Variants in GNG7 observed in about 807,000 individuals in gnomAD.
GNG7 encodes the protein G protein subunit gamma 7, also known as guanine nucleotide-binding protein G(I)/G(S)/G(O) subunit gamma-7.
A neutral mutation model predicts 4.0 loss-of-function variants in GNG7; 1 was observed. The observed-to-expected ratio is 0.25, with a 90% confidence interval of 0.09 to 1.18. The LOEUF is 1.18. Ranked by LOEUF, GNG7 falls within the 50% of genes most tolerant of loss-of-function variation. The pLI is 0.50. For synonymous variants in GNG7, 34 were observed against 36.9 expected (o/e 0.92, Z 0.29); for missense variants, 86 against 91.9 (o/e 0.94, Z 0.26).
At chr19:2,550,213 G>A (rs937717052) in intron 3 of GNG7, among the ~76,000 whole-genome samples, 13 of 151,948 alleles carry the variant, frequency 8.6e-5, no homozygotes, top group African/African-American at 3.1e-4. Context: ...CCCCCGTGGC[G>A]ACCCTCCTTG....
At chr19:2,579,553 G>A (rs1468105671) in intron 2 of GNG7, among the ~76,000 whole-genome samples, 1 of 152,242 alleles carries the variant, frequency 6.6e-6, no homozygotes, top group Non-Finnish European at 1.5e-5. Context: ...AGGTCTCCAA[G>A]TGTTTATGGT....
intron 1 of GNG7, among the ~76,000 whole-genome samples, chr19:2,680,797 C>T (rs1983712746): frequency 6.6e-6 from 1 of 151,892 alleles, no homozygotes; most frequent in South Asian, 2.1e-4. Context: ...TGGTCTTGAA[C>T]TCCCGACTTC....
intron 1 of GNG7, among the ~76,000 whole-genome samples, chr19:2,691,744 G>A (rs980197067): frequency 1.3e-5 from 2 of 148,206 alleles, no homozygotes; most frequent in African/African-American, 5.0e-5. Flanking sequence ...GCACACGCCT[G>A]TAATCCCAGC....
intron 1 of GNG7, among the ~76,000 whole-genome samples, chr19:2,658,599 T>G (rs948176694): frequency 2.0e-5 from 3 of 151,556 alleles, no homozygotes; most frequent in Non-Finnish European, 4.4e-5. Context: ...GGAAGGAAAT[T>G]TTGACATGGG....
intron 2 of GNG7, among the ~76,000 whole-genome samples, chr19:2,636,886 C>T (rs1383878289): frequency 3.3e-5 from 5 of 151,928 alleles, no homozygotes; most frequent in Admixed American, 6.6e-5. Flanking sequence ...ACCTCCATCC[C>T]CACCTGCACC....
chr19:2,562,128 C>T (rs936289579), intron 2 of GNG7, among the ~76,000 whole-genome samples: 1 of 152,134 alleles, frequency 6.6e-6, no homozygotes, highest in African/African-American at 2.4e-5. Flanking sequence ...TCACGCCCTC[C>T]ACCCACTCAG....
intron 2 of GNG7, among the ~76,000 whole-genome samples, chr19:2,645,890 G>C (rs917118988): frequency 6.6e-6 from 1 of 152,170 alleles, no homozygotes; most frequent in Non-Finnish European, 1.5e-5. Flanking sequence ...ACGGGTGAAG[G>C]CTCCTTAAAA....
At chr19:2,679,456 A>C (rs1983676058) in intron 1 of GNG7, among the ~76,000 whole-genome samples, 1 of 152,162 alleles carries the variant, frequency 6.6e-6, no homozygotes, top group African/African-American at 2.4e-5. Flanking sequence ...CTCGTAGTCC[A>C]TCCCAATCTT....
intron 3 of GNG7, among the ~76,000 whole-genome samples, chr19:2,549,457 A>AT (rs1195094841): frequency 1.3e-5 from 2 of 151,812 alleles, no homozygotes; most frequent in East Asian, 3.9e-4. Flanking sequence ...CACCCGGCTA[A>AT]TTTTTGTATT....
chr19:2,546,970 G>A lies in GNG7; in HGVS notation c.-38+8179C>T, dbSNP rs151117666. On this transcript the variant is annotated intron_variant, in intron 3 of 4. Coordinates refer to ENST00000382159, the MANE Select transcript of GNG7 (RefSeq NM_052847.3). The surrounding 1 kb of genome is among the most constrained non-coding windows in gnomAD (Gnocchi z 6.3). ...CAGGGCAAGGGGCAGCGCCGGCCTC[G>A]TGACGGTGGTGCTCGGGAGCTGAAG... 1.6e-4 allele frequency among the ~76,000 whole-genome samples: 24 copies of A among 152,206 alleles called. No individual in the cohort carries two copies. In the East Asian group the frequency reaches 4.5e-3, roughly 28 times the overall value.
In GNG7 at chr19:2,617,144, A is replaced by G. The variant is rs1981744391; in HGVS notation, c.-78+29080T>C. 6.6e-6 allele frequency among the ~76,000 whole-genome samples: 1 copy of G among 152,164 alleles called. No individual in the cohort carries two copies. Among genetic ancestry groups the G allele is most frequent in the Non-Finnish European group, 1.5e-5 (1 of 68,020 alleles). ...CTGGATCATTCTCTGGGATGGGGCC[A>G]TCCTGGTGCACTGCAGGGTGCTGAG... On this transcript the variant is annotated intron_variant, in intron 2 of 4. Coordinates refer to ENST00000382159, the MANE Select transcript of GNG7 (RefSeq NM_052847.3). The surrounding 1 kb of genome is among the most constrained non-coding windows in gnomAD (Gnocchi z 4.7).
intron 1 of GNG7, among the ~76,000 whole-genome samples, chr19:2,665,383 C>A (rs1983283485): frequency 6.6e-6 from 1 of 151,086 alleles, no homozygotes; most frequent in Admixed American, 6.6e-5. Flanking sequence ...GGCAGGATCA[C>A]CCTGCCGTGC....
chr19:2,554,289 T>C (rs548250529), intron 3 of GNG7, among the ~76,000 whole-genome samples: 195 of 149,424 alleles, frequency 1.3e-3, no homozygotes, highest in African/African-American at 4.6e-3. Flanking sequence ...TGGGCTCAAG[T>C]GATCCTTCTG....
chr19:2,564,096 A>G (rs184452676), intron 2 of GNG7, among the ~76,000 whole-genome samples: 26 of 152,254 alleles, frequency 1.7e-4, no homozygotes, highest in Admixed American at 1.7e-3. Context: ...TCAACTCAAG[A>G]AAAAGAATGT....
intron 2 of GNG7, among the ~76,000 whole-genome samples, chr19:2,581,339 G>A (rs1599403796): frequency 7.7e-6 from 1 of 129,380 alleles, no homozygotes; most frequent in Admixed American, 7.7e-5. Flanking sequence ...GTGGGGGGGT[G>A]GGGGGCGGAG....
rs1415654142 is a variant in GNG7 at position 2,557,865 on chromosome 19, A to G, written c.-77-2677T>C. ...GGCTTACTTTTTTTCTCTTTGAGAC[A>G]GAGTCTCACTCTGTCGCCCAGGCTG... On this transcript the variant is annotated intron_variant, in intron 2 of 4. Transcript: ENST00000382159. This position sits in a 1 kb window ranked among gnomAD's most constrained non-coding sequence, Gnocchi z 5.1. Among the ~76,000 whole-genome samples, 2 of 152,040 alleles carry G rather than the reference A, an allele frequency of 1.3e-5. No homozygotes were observed. Among genetic ancestry groups the G allele is most frequent in the African/African-American group, 2.4e-5 (1 of 41,394 alleles).
chr19:2,516,793 CT>C (rs1226773077), intron 4 of GNG7: 2 of 152,396 alleles, frequency 1.3e-5, no homozygotes, highest in African/African-American at 4.8e-5. Context: ...CCTGAACCCC[CT>C]GATGACTCCA....
At chr19:2,671,631 GA>G (rs1983455420) in intron 1 of GNG7, among the ~76,000 whole-genome samples, 1 of 152,060 alleles carries the variant, frequency 6.6e-6, no homozygotes, top group Non-Finnish European at 1.5e-5. Context: ...GAGCCCCAGA[GA>G]GACAACACCT....
At chr19:2,659,752 GAGGA>G (rs372323610) in intron 1 of GNG7, among the ~76,000 whole-genome samples, 79 of 134,494 alleles carry the variant, frequency 5.9e-4, no homozygotes, top group African/African-American at 1.8e-3. Flanking sequence ...GGGAGGGATG[GAGGA>G]AGGAAGGAAG....
Sources: allele counts gnomAD v4.1 joint callset (sites outside exome capture counted in the v4.1 genomes callset), GRCh38; gene constraint gnomAD v4.1.1; non-coding constraint Gnocchi (gnomAD v3.1); transcripts MANE v1.5; gene names NCBI Gene and HGNC (gene_info 2026-07-23, HGNC 2026-07-21).